ARHGAP8: variants seen among roughly 807,000 people sequenced by gnomAD.
ARHGAP8 encodes Rho GTPase activating protein 8.
A neutral mutation model predicts 46.1 loss-of-function variants in ARHGAP8; 62 were observed. That is an observed-to-expected ratio of 1.34 (90% confidence interval 1.10 to 1.66). The LOEUF (loss-of-function observed/expected upper bound fraction) is 1.66. ARHGAP8 is among the 40% of genes most tolerant of loss of function. The probability of loss-of-function intolerance (pLI) is 0.00; values close to 1 mark genes in which losing one functional copy is unlikely to be tolerated. For synonymous variants in ARHGAP8, 375 were observed against 243.1 expected (o/e 1.54, Z -5.05); for missense variants, 923 against 568.4 (o/e 1.62, Z -6.34).
intron 1 of ARHGAP8, among the ~76,000 whole-genome samples, chr22:44,781,335 C>A (rs908027034): frequency 1.3e-5 from 2 of 152,040 alleles, no homozygotes; most frequent in Non-Finnish European, 2.9e-5. Flanking sequence ...CCCATTTCTC[C>A]CTTGGGTTGC....
intron 3 of ARHGAP8, among the ~76,000 whole-genome samples, chr22:44,807,167 G>A (rs1928989369): frequency 6.6e-6 from 1 of 152,102 alleles, no homozygotes; most frequent in Non-Finnish European, 1.5e-5. Context: ...TTAATTACAA[G>A]ATGTGCTCCA....
At chr22:44,823,524 G>A (rs1930301703) in intron 6 of ARHGAP8, among the ~76,000 whole-genome samples, 1 of 152,072 alleles carries the variant, frequency 6.6e-6, no homozygotes, top group Non-Finnish European at 1.5e-5. Flanking sequence ...CTTGGGCCGG[G>A]AGTCCTTGGT....
At chr22:44,808,519 G>A (rs1755565710) in intron 4 of ARHGAP8, 81 bp downstream of exon 4, 1 of 1,565,378 alleles carries the variant, frequency 6.4e-7, no homozygotes, top group Non-Finnish European at 8.6e-7. Context: ...AGGGGTCGCA[G>A]AGTGTGCAGT....
At chr22:44,802,499 C>T (rs1255617651) in intron 3 of ARHGAP8, among the ~76,000 whole-genome samples, 1 of 152,204 alleles carries the variant, frequency 6.6e-6, no homozygotes, top group Non-Finnish European at 1.5e-5. Flanking sequence ...TGCCGAGCGC[C>T]AGGCCTCCCC....
chr22:44,835,720 A>G (rs1215431695), intron 7 of ARHGAP8, among the ~76,000 whole-genome samples: 1 of 152,202 alleles, frequency 6.6e-6, no homozygotes, highest in African/African-American at 2.4e-5. Flanking sequence ...CCACTGGAAG[A>G]AACTTGATCT....
At chr22:44,805,195 C>A (rs986357748) in intron 3 of ARHGAP8, among the ~76,000 whole-genome samples, 2 of 152,154 alleles carry the variant, frequency 1.3e-5, no homozygotes, top group Admixed American at 6.5e-5. Context: ...CAGCTCTCCC[C>A]GAGGAGGCTG....
At chr22:44,833,437 T>G (rs1458036181) in intron 7 of ARHGAP8, among the ~76,000 whole-genome samples, 1 of 152,214 alleles carries the variant, frequency 6.6e-6, no homozygotes, top group Non-Finnish European at 1.5e-5. Flanking sequence ...ACATGGCTTT[T>G]GTCCTTTATA....
chr22:44,796,414 C>T (rs980498065), intron 2 of ARHGAP8, among the ~76,000 whole-genome samples: 1 of 151,646 alleles, frequency 6.6e-6, no homozygotes, highest in Middle Eastern at 3.2e-3. Flanking sequence ...CCCCAGTTCC[C>T]TCGAGGTAGC....
At chr22:44,796,194 C>T (rs16992855) in intron 2 of ARHGAP8, among the ~76,000 whole-genome samples, 6,632 of 152,228 alleles carry the variant, frequency 0.044, 244 homozygotes, top group African/African-American at 0.1. Context: ...CGCTGTTCTG[C>T]TCCCGGGAAT....
In ARHGAP8 at chr22:44,823,176, G is replaced by C. The variant is rs530627795; in HGVS notation, c.485+707G>C. Reference sequence around the variant, plus strand: ...GACGCCAAGTCACATGGCAGGTGCTGGGATATAGAGGTGTTTAGGGAGTGT... The same window carrying C: ...GACGCCAAGTCACATGGCAGGTGCTCGGATATAGAGGTGTTTAGGGAGTGT... On this transcript the variant is annotated intron_variant, in intron 6 of 11. Transcript: ENST00000356099. Among the ~76,000 whole-genome samples the C allele has an allele frequency of 4.7e-4, 71 of 152,292 alleles. No homozygotes were observed. The South Asian group carries it at 5.8e-3, about 12-fold the overall frequency.
At chr22:44,757,674 C>T (rs1405362036) in intron 1 of ARHGAP8, among the ~76,000 whole-genome samples, 1 of 151,698 alleles carries the variant, frequency 6.6e-6, no homozygotes, top group Non-Finnish European at 1.5e-5. Flanking sequence ...AGTCTCACTC[C>T]ATCACCCAGG....
intron 7 of ARHGAP8, among the ~76,000 whole-genome samples, chr22:44,829,437 C>G (rs1356784783): frequency 1.3e-5 from 2 of 152,204 alleles, no homozygotes; most frequent in Non-Finnish European, 2.9e-5. Flanking sequence ...ACCATTAGCC[C>G]TGCATTCTGA....
chr22:44,776,302 A>C (rs1399250669), intron 1 of ARHGAP8, among the ~76,000 whole-genome samples: 2 of 152,124 alleles, frequency 1.3e-5, no homozygotes, highest in African/African-American at 4.8e-5. Context: ...AATACAAAAA[A>C]TTAGCCGAGC....
At chr22:44,845,465 A>G (rs1382440741) in intron 8 of ARHGAP8, 123 bp downstream of exon 8, 29 of 1,326,348 alleles carry the variant, frequency 2.2e-5, no homozygotes, top group Non-Finnish European at 2.9e-5. Flanking sequence ...GAGGGGCTCA[A>G]GCACAGTGGC....
rs931274200 is a variant in ARHGAP8, at chr22:44,786,364, T to C, written c.-71-93T>C. ...GCGCGTAGTGGGTGTGCAGCAGAGG[T>C]GGGTGACTGTCTTATGAAAGGCATC... On this transcript the variant is annotated intron_variant, in intron 1 of 11. Coordinates refer to ENST00000356099, the MANE Select transcript of ARHGAP8 (RefSeq NM_181335.3). 2.7e-6 allele frequency: 4 copies of C among 1,477,818 alleles called. No individual in the cohort carries two copies. The African/African-American group carries it at 5.6e-5, about 21-fold the overall frequency. 91.5% of individuals were successfully genotyped at this position (1,477,818 alleles called of 1,614,324 possible). A position where few individuals can be genotyped will look rare whatever the true frequency, so the allele number is the denominator to read the frequency against.
intron 10 of ARHGAP8, 143 bp from the exon 11 acceptor site, chr22:44,859,588 G>GAT: frequency 2.5e-6 from 2 of 794,978 alleles, no homozygotes; most frequent in Non-Finnish European, 4.1e-6. Context: ...ACGGCCAGAA[G>GAT]ATAAGTGGGG....
chr22:44,755,646 T>G (rs1165944526), intron 1 of ARHGAP8, among the ~76,000 whole-genome samples: 1 of 152,202 alleles, frequency 6.6e-6, no homozygotes, highest in Non-Finnish European at 1.5e-5. Context: ...GCCTGTTGTG[T>G]CCAGATTTCT....
rs1381658746 is a variant in ARHGAP8, at chr22:44,852,884, C to T, written c.877+3824C>T. Among the ~76,000 whole-genome samples the T allele has an allele frequency of 3.9e-5, 6 of 152,202 alleles. No homozygotes were observed. In the East Asian group the frequency reaches 1.2e-3, roughly 29 times the overall value. On this transcript the variant is annotated intron_variant, in intron 10 of 11. Coordinates refer to ENST00000356099, the MANE Select transcript of ARHGAP8 (RefSeq NM_181335.3). Reference sequence around the variant, plus strand: ...GTGGCACGATCTCGGCTCAGTGCAACCTCCACCTCCCAGGTTCAAGCCTTT... The same window carrying T: ...GTGGCACGATCTCGGCTCAGTGCAATCTCCACCTCCCAGGTTCAAGCCTTT...
At chr22:44,800,091 CTG>C (rs1189916880) in intron 2 of ARHGAP8, among the ~76,000 whole-genome samples, 9 of 121,218 alleles carry the variant, frequency 7.4e-5, no homozygotes. Context: ...CTTCAGGAGT[CTG>C]TTCTGTCTTT....
Sources: allele counts gnomAD v4.1 joint callset (sites outside exome capture counted in the v4.1 genomes callset), GRCh38; gene constraint gnomAD v4.1.1; transcripts MANE v1.5; gene names NCBI Gene and HGNC (gene_info 2026-07-23, HGNC 2026-07-21).